ULK4: variants seen among roughly 807,000 people sequenced by gnomAD.
ULK4 encodes inactive serine/threonine-protein kinase ULK4.
A neutral mutation model predicts 160.6 loss-of-function variants in ULK4; 133 were observed. That is an observed-to-expected ratio of 0.83 (90% CI 0.72 to 0.96). The LOEUF is 0.96. Ranked by LOEUF, ULK4 falls within the 40% of genes least tolerant of loss-of-function variation. ULK4 has a pLI of 0.00. For missense variants in ULK4, 1,580 were observed against 1,499.5 expected, an observed-to-expected ratio of 1.05 and a Z score of -0.89; for synonymous variants, 534 against 539.8, an observed-to-expected ratio of 0.99 and a Z score of 0.15.
At chr3:41,869,752 TAATA>T (rs1490466831) in intron 17 of ULK4, among the ~76,000 whole-genome samples, 1 of 152,226 alleles carries the variant, frequency 6.6e-6, no homozygotes, top group Non-Finnish European at 1.5e-5. Flanking sequence ...TTTCTGGCCT[TAATA>T]GATTTAACAA....
chr3:41,279,596 C>T (rs575988870), intron 35 of ULK4, among the ~76,000 whole-genome samples: 14 of 152,264 alleles, frequency 9.2e-5, no homozygotes, highest in African/African-American at 3.1e-4. Context: ...GCCCATCAGA[C>T]TAGTAGCAGA....
chr3:41,900,933 C>T, intron 12 of ULK4, 104 bp from the exon 13 acceptor site: 1 of 746,304 alleles, frequency 1.3e-6, no homozygotes, highest in East Asian at 2.6e-5. Flanking sequence ...AAAATATCAC[C>T]TATATCAATG....
At chr3:41,708,057 G>C (rs2036965205) in intron 25 of ULK4, among the ~76,000 whole-genome samples, 1 of 151,908 alleles carries the variant, frequency 6.6e-6, no homozygotes, top group Non-Finnish European at 1.5e-5. Flanking sequence ...CTTGCACACT[G>C]TCGGTGGGAA....
At chr3:41,901,222 C>T (rs1698347015) in intron 12 of ULK4, among the ~76,000 whole-genome samples, 5 of 144,366 alleles carry the variant, frequency 3.5e-5, no homozygotes, top group South Asian at 2.2e-4. Context: ...CTCTGTCCCC[C>T]AGGCTGGAGT....
chr3:41,332,455 A>AT (rs1405774875), intron 35 of ULK4, among the ~76,000 whole-genome samples: 1 of 152,168 alleles, frequency 6.6e-6, no homozygotes, highest in Non-Finnish European at 1.5e-5. Context: ...CACCTTCCCA[A>AT]TGGCAGTCTT....
intron 9 of ULK4, 21 bp from the exon 10 acceptor site, chr3:41,911,680 C>T: frequency 6.4e-7 from 1 of 1,562,608 alleles, no homozygotes; most frequent in Non-Finnish European, 8.8e-7. Flanking sequence ...AGAAAACCAA[C>T]ACAATCAAAC....
intron 22 of ULK4, among the ~76,000 whole-genome samples, chr3:41,737,477 C>A (rs1179310145): frequency 1.3e-5 from 2 of 151,824 alleles, no homozygotes; most frequent in Non-Finnish European, 2.9e-5. Context: ...CCCCATCAAG[C>A]CACAAATGAC....
chr3:41,721,362 ATTTTTTTTTTTTT>A (rs1192444773), intron 22 of ULK4, among the ~76,000 whole-genome samples: 10 of 27,956 alleles, frequency 3.6e-4, no homozygotes, highest in African/African-American at 1.9e-3. Flanking sequence ...ATATATATAT[ATTTTTTTTTTTTT>A]TTTTTTGAAA....
At chr3:41,343,793 G>T (rs2080740498) in intron 35 of ULK4, among the ~76,000 whole-genome samples, 1 of 152,148 alleles carries the variant, frequency 6.6e-6, no homozygotes, top group Non-Finnish European at 1.5e-5. Context: ...GAGCTAACAA[G>T]AGAAGTGAAG....
chr3:41,538,514 G>A (rs1322301867), intron 32 of ULK4, among the ~76,000 whole-genome samples: 2 of 152,032 alleles, frequency 1.3e-5, no homozygotes, highest in Non-Finnish European at 2.9e-5. Context: ...CATCACTAGT[G>A]GCATTTCATA....
chr3:41,701,438 C>A (rs2036673042), intron 27 of ULK4, among the ~76,000 whole-genome samples: 1 of 152,140 alleles, frequency 6.6e-6, no homozygotes, highest in African/African-American at 2.4e-5. Flanking sequence ...GAAATAACAT[C>A]TGGGCAGTGC....
chr3:41,705,935 G>A (rs2036860963), intron 25 of ULK4, among the ~76,000 whole-genome samples: 1 of 152,032 alleles, frequency 6.6e-6, no homozygotes. Context: ...CACCTAACCA[G>A]GGAAAACAGT....
At chr3:41,282,141 GA>G (rs1017372135) in intron 35 of ULK4, among the ~76,000 whole-genome samples, 1 of 151,782 alleles carries the variant, frequency 6.6e-6, no homozygotes, top group Admixed American at 6.6e-5. Context: ...ACTGCTCAAT[GA>G]AAAAAAAGAG....
intron 35 of ULK4, among the ~76,000 whole-genome samples, chr3:41,273,482 G>C (rs1288406536): frequency 6.6e-6 from 1 of 152,148 alleles, no homozygotes; most frequent in Non-Finnish European, 1.5e-5. Flanking sequence ...AAATACTCAA[G>C]AGAAACCATC....
intron 31 of ULK4, among the ~76,000 whole-genome samples, chr3:41,574,530 TC>T (rs2088117401): frequency 2.5e-5 from 2 of 79,828 alleles, no homozygotes; most frequent in Non-Finnish European, 2.8e-5. Flanking sequence ...ACCAGAGTCC[TC>T]TTTTTTTTTT....
intron 30 of ULK4, among the ~76,000 whole-genome samples, chr3:41,643,982 G>A (rs1288262729): frequency 6.6e-6 from 1 of 151,994 alleles, no homozygotes; most frequent in Admixed American, 6.6e-5. Flanking sequence ...CTCATGATTT[G>A]GCTCTCTGTT....
At chr3:41,804,968 T>C (rs1233785994) in intron 19 of ULK4, among the ~76,000 whole-genome samples, 1 of 152,172 alleles carries the variant, frequency 6.6e-6, no homozygotes, top group East Asian at 1.9e-4. Context: ...CGATGCGGGC[T>C]CTTTTTTGGT....
chr3:41,325,002 C>A lies in ULK4; in HGVS notation c.3678+73077G>T, dbSNP rs546058577. Among the ~76,000 whole-genome samples the A allele has an allele frequency of 6.2e-4, 94 of 152,102 alleles. 1 individual carries two copies. Among genetic ancestry groups the A allele is most frequent in the Admixed American group, 1.8e-3 (27 of 15,274 alleles). On this transcript the variant is annotated intron_variant, in intron 35 of 36. Coordinates refer to ENST00000301831, the MANE Select transcript of ULK4 (RefSeq NM_017886.4). ...CTTTCCAAAGAAGGTAACTACCCAG[C>A]CAAATGAGATCATCTACACCAGCAG...
intron 30 of ULK4, among the ~76,000 whole-genome samples, chr3:41,650,682 C>T (rs1377417487): frequency 6.6e-6 from 1 of 152,228 alleles, no homozygotes; most frequent in Non-Finnish European, 1.5e-5. Flanking sequence ...CCGAGTGCAG[C>T]CTGCTGAGCC....
Sources: allele counts gnomAD v4.1 joint callset (sites outside exome capture counted in the v4.1 genomes callset), GRCh38; gene constraint gnomAD v4.1.1; transcripts MANE v1.5; gene names NCBI Gene and HGNC (gene_info 2026-07-23, HGNC 2026-07-21).